The following NUBPL variants were observed in gnomAD, a reference collection of about 807,000 sequenced individuals.
NUBPL encodes iron-sulfur cluster transfer protein NUBPL.
Under a neutral mutation model 45.7 loss-of-function variants are expected in NUBPL, and 31 were observed. The observed-to-expected ratio is 0.68, with a 90% CI of 0.51 to 0.92. NUBPL has a LOEUF of 0.92. NUBPL is among the 40% of genes least tolerant of loss of function. The probability of loss-of-function intolerance (pLI) is 0.00; values close to 1 mark genes in which losing one functional copy is unlikely to be tolerated. For synonymous variants in NUBPL, 144 were observed against 140.9 expected, an observed-to-expected ratio of 1.02 and a Z score of -0.15; for missense variants, 401 against 398.7, an observed-to-expected ratio of 1.01 and a Z score of -0.05.
chr14:31,853,080 G>GTGTTGTGTTGTGTTT (rs1555344278), intron 10 of NUBPL, among the ~76,000 whole-genome samples: 1 of 118,300 alleles, frequency 8.5e-6, no homozygotes, highest in African/African-American at 5.6e-5. Context: ...GTGTTGTGTT[G>GTGTTGTGTTGTGTTT]TGTTTTGTTT....
intron 4 of NUBPL, among the ~76,000 whole-genome samples, chr14:31,618,470 T>C (rs2139622960): frequency 1.3e-5 from 2 of 152,366 alleles, no homozygotes; most frequent in Admixed American, 1.3e-4. Context: ...TTCTGGTATG[T>C]TGTCTCTTTG....
chr14:31,806,127 C>T (rs1459631359), intron 7 of NUBPL, among the ~76,000 whole-genome samples: 1 of 152,102 alleles, frequency 6.6e-6, no homozygotes, highest in Non-Finnish European at 1.5e-5. Context: ...GAAATTTGAT[C>T]AGGATCTGAA....
chr14:31,729,963 A>G (rs1221204476), intron 6 of NUBPL, among the ~76,000 whole-genome samples: 2 of 152,084 alleles, frequency 1.3e-5, no homozygotes, highest in Non-Finnish European at 2.9e-5. Flanking sequence ...TTTCACTATT[A>G]AGAGTGATGT....
At chr14:31,683,598 G>T (rs1412746884) in intron 6 of NUBPL, among the ~76,000 whole-genome samples, 1 of 151,942 alleles carries the variant, frequency 6.6e-6, no homozygotes, top group Non-Finnish European at 1.5e-5. Context: ...TGATCTGCCC[G>T]CCTCAGCCCC....
intron 8 of NUBPL, 136 bp downstream of exon 8, chr14:31,826,850 T>A: frequency 1.2e-6 from 1 of 804,564 alleles, no homozygotes; most frequent in Non-Finnish European, 2.1e-6. Flanking sequence ...ATCATTTTGG[T>A]GACTTTAAAA....
intron 7 of NUBPL, among the ~76,000 whole-genome samples, chr14:31,805,951 A>G (rs2039677586): frequency 6.6e-6 from 1 of 152,204 alleles, no homozygotes; most frequent in South Asian, 2.1e-4. Flanking sequence ...ATGATATGCC[A>G]GACAGATAAA....
intron 7 of NUBPL, among the ~76,000 whole-genome samples, chr14:31,791,178 C>T (rs776231653): frequency 6.6e-6 from 1 of 151,840 alleles, no homozygotes; most frequent in Non-Finnish European, 1.5e-5. Flanking sequence ...CTTAGGAGGC[C>T]GAGGCAGGAA....
chr14:31,648,990 A>G (rs555098020), intron 4 of NUBPL, among the ~76,000 whole-genome samples: 2 of 151,930 alleles, frequency 1.3e-5, no homozygotes, highest in South Asian at 4.2e-4. Context: ...TTTTATTTTT[A>G]GTAGAGACGG....
At chr14:31,700,430 C>T (rs1409505887) in intron 6 of NUBPL, among the ~76,000 whole-genome samples, 1 of 152,112 alleles carries the variant, frequency 6.6e-6, no homozygotes, top group African/African-American at 2.4e-5. Flanking sequence ...TCGGCCTCAG[C>T]GCCTACTCTG....
intron 6 of NUBPL, among the ~76,000 whole-genome samples, chr14:31,727,748 T>C (rs1052695965): frequency 1.5e-4 from 23 of 152,290 alleles, no homozygotes; most frequent in African/African-American, 5.5e-4. Context: ...TAAATCCAAA[T>C]AGCAAGTTCT....
chr14:31,577,414 T>G (rs893806225), intron 3 of NUBPL, among the ~76,000 whole-genome samples: 8 of 151,702 alleles, frequency 5.3e-5, no homozygotes, highest in East Asian at 1.9e-4. Flanking sequence ...TGGCTTGGTT[T>G]GTTTGTTTGT....
chr14:31,705,458 T>TG (rs1408709599), intron 6 of NUBPL, among the ~76,000 whole-genome samples: 1 of 151,620 alleles, frequency 6.6e-6, no homozygotes, highest in Non-Finnish European at 1.5e-5. Context: ...TGGTCCATTT[T>TG]ATAGAGAGCT....
chr14:31,769,623 C>T lies in NUBPL; in HGVS notation c.514-18157C>T, dbSNP rs376538455. ...GTTAAACATACCAAGTAGTTTGGAGCTTTCCTGTTCTTATATAAGGTAACC... is the reference window on the plus strand; with the variant it reads ...GTTAAACATACCAAGTAGTTTGGAGTTTTCCTGTTCTTATATAAGGTAACC... On this transcript the variant is annotated intron_variant, in intron 6 of 10. Coordinates refer to ENST00000281081, the MANE Select transcript of NUBPL (RefSeq NM_025152.3). Among the ~76,000 whole-genome samples, 12 of 151,586 alleles carry T rather than the reference C, an allele frequency of 7.9e-5. 1 individual carries two copies. The East Asian group carries it at 1.9e-3, about 24-fold the overall frequency.
chr14:31,580,453 G>A (rs1303044027), intron 3 of NUBPL, among the ~76,000 whole-genome samples: 3 of 152,020 alleles, frequency 2.0e-5, no homozygotes, highest in Non-Finnish European at 2.9e-5. Context: ...TGAGATCCCC[G>A]TTTCTACAAC....
intron 4 of NUBPL, among the ~76,000 whole-genome samples, chr14:31,633,948 T>A (rs1332674223): frequency 6.6e-6 from 1 of 152,106 alleles, no homozygotes; most frequent in Non-Finnish European, 1.5e-5. Flanking sequence ...CCCACCTGCT[T>A]AGGGTTCCCA....
intron 7 of NUBPL, among the ~76,000 whole-genome samples, chr14:31,792,400 A>T (rs1352684391): frequency 3.9e-5 from 6 of 152,148 alleles, no homozygotes; most frequent in African/African-American, 1.2e-4. Flanking sequence ...GAATTCTGGA[A>T]GTAGTCTAGA....
chr14:31,858,893 T>G (rs575122631), intron 10 of NUBPL, among the ~76,000 whole-genome samples: 1 of 152,342 alleles, frequency 6.6e-6, no homozygotes, highest in East Asian at 1.9e-4. Context: ...TACTAAATAT[T>G]ACTTCAGAGT....
chr14:31,839,774 G>T (rs1262136816), intron 8 of NUBPL, among the ~76,000 whole-genome samples: 4 of 152,114 alleles, frequency 2.6e-5, no homozygotes, highest in Non-Finnish European at 5.9e-5. Context: ...TTTTTTAAAT[G>T]GGTGAAGGAT....
rs186541592 is a variant in NUBPL at position 31,764,407 on chromosome 14, T to C, written c.514-23373T>C. Among the ~76,000 whole-genome samples the C allele has an allele frequency of 1.5e-3, 234 of 152,330 alleles. 2 individuals carry two copies. Among genetic ancestry groups the C allele is most frequent in the South Asian group, 3.7e-3 (18 of 4,832 alleles). On this transcript the variant is annotated intron_variant, in intron 6 of 10. Coordinates refer to ENST00000281081, the MANE Select transcript of NUBPL (RefSeq NM_025152.3). ...GTAGGGACTTCAGGGATCTTGTTCA[T>C]TGCTGTGTCCCCAGTGTCTGCAACA...
Sources: gnomAD v4.1 joint callset for allele counts (sites outside exome capture counted in the v4.1 genomes callset) on GRCh38, gnomAD v4.1.1 for gene constraint, MANE v1.5 for transcripts, NCBI Gene and HGNC (gene_info 2026-07-23, HGNC 2026-07-21) for gene names.